The following CASP10 variants were observed in gnomAD, a reference collection of about 807,000 sequenced individuals.
The protein encoded by CASP10 is caspase 10.
In CASP10, 41 loss-of-function variants were observed where a neutral mutation model predicts 48.5. The ratio of observed to expected loss-of-function variants is 0.85; its 90% CI spans 0.66 to 1.10. The LOEUF (loss-of-function observed/expected upper bound fraction) is 1.10, where lower values mean the gene tolerates loss of function less well. Among genes scored for constraint, CASP10 ranks in the 50% least tolerant of loss-of-function variants. CASP10 has a pLI of 0.00. For synonymous variants in CASP10, 232 were observed against 238.4 expected (o/e 0.97, Z 0.25); for missense variants, 614 against 614.5 (o/e 1.00, Z 0.01).
chr2:201,203,741 G>A lies in CASP10; in HGVS notation c.696G>A (p.Trp232Ter). 1.9e-6 allele frequency: 3 copies of A among 1,613,574 alleles called. No homozygotes were observed. Among genetic ancestry groups the A allele is most frequent in the Non-Finnish European group, 2.5e-6 (3 of 1,179,592 alleles). ...TTCTTTTTTCTCAGCAGGAGTCCTGGCAAAATAAGCATGCAGGTAGTAATG... is the reference window on the plus strand; with the variant it reads ...TTCTTTTTTCTCAGCAGGAGTCCTGACAAAATAAGCATGCAGGTAGTAATG... ...TFLEALPQES[W>*]QNKHAGSNGN... is the part of the protein sequence containing the mutation. The change falls in exon 6 of 10, where the codon TGG becomes TGA. Residue 232 changes from tryptophan to a stop codon, truncating the protein, a stop_gained. Coordinates refer to ENST00000286186, the MANE Select transcript of CASP10 (RefSeq NM_032977.4). LOFTEE classifies it high-confidence loss of function.
At chr2:201,208,418 G>T in intron 8 of CASP10, 1 of 978,210 alleles carries the variant, frequency 1.0e-6, no homozygotes, top group Non-Finnish European at 1.2e-6. Flanking sequence ...GAGCCTGCTG[G>T]ATTGGCACGA....
chr2:201,186,239 T>C (rs1302165663), intron 2 of CASP10, 115 bp downstream of exon 2: 3 of 770,258 alleles, frequency 3.9e-6, no homozygotes, highest in Non-Finnish European at 6.8e-6. Flanking sequence ...CCTCCTTGGA[T>C]GATAAACCAG....
chr2:201,216,556 C>T (rs973318950), intron 9 of CASP10, among the ~76,000 whole-genome samples: 1 of 151,944 alleles, frequency 6.6e-6, no homozygotes, highest in Admixed American at 6.6e-5. Flanking sequence ...AGGTAAGGGC[C>T]TGCATCCCTT....
chr2:201,206,068 G>C, intron 7 of CASP10, 95 bp downstream of exon 7: 1 of 725,836 alleles, frequency 1.4e-6, no homozygotes, highest in Non-Finnish European at 2.4e-6. Flanking sequence ...TCTCCCTAGG[G>C]TCCAGCCTTC....
At chr2:201,204,694 T>C (rs1165210343) in intron 6 of CASP10, among the ~76,000 whole-genome samples, 2 of 152,214 alleles carry the variant, frequency 1.3e-5, no homozygotes, top group Non-Finnish European at 2.9e-5. Context: ...CAGAGCTTAC[T>C]CTCCTAAGGC....
rs151214483 is a variant in CASP10 at position 201,213,839 on chromosome 2, G to A, written c.1416-3749G>A. The A allele has an allele frequency of 9.8e-5, 15 of 152,336 alleles. No homozygotes were observed. The East Asian group carries it at 2.1e-3, about 22-fold the overall frequency. 9.4% of individuals were successfully genotyped at this position (152,336 alleles called of 1,614,324 possible). A position where few individuals can be genotyped will look rare whatever the true frequency, so the allele number is the denominator to read the frequency against. On this transcript the variant is annotated intron_variant, in intron 9 of 9. Transcript: ENST00000286186. ...ACTTTAGATCAGTTTGTCGTAGACA[G>A]ATGGAGCTTGTCATAATATGCCTCA... is the stretch of plus-strand genomic sequence containing the variant.
At chr2:201,183,834 G>A (rs1453343486) in intron 1 of CASP10, among the ~76,000 whole-genome samples, 1 of 151,768 alleles carries the variant, frequency 6.6e-6, no homozygotes, top group Non-Finnish European at 1.5e-5. Flanking sequence ...TGGAGGTTTT[G>A]ATTTTTGCTG....
intron 3 of CASP10, among the ~76,000 whole-genome samples, chr2:201,191,858 AAAGG>A (rs1184837672): frequency 6.6e-6 from 1 of 152,206 alleles, no homozygotes; most frequent in Non-Finnish European, 1.5e-5. Context: ...CATTGAGTCT[AAAGG>A]AAACCACACC....
chr2:201,199,838 T>A (rs759070123), intron 5 of CASP10, among the ~76,000 whole-genome samples: 1 of 152,176 alleles, frequency 6.6e-6, no homozygotes, highest in African/African-American at 2.4e-5. Context: ...CCTCCCAAAG[T>A]GCTGGGATTA....
chr2:201,218,444 AG>A lies in CASP10; in HGVS notation c.*705del. On this transcript the variant is annotated 3_prime_UTR_variant, in exon 10 of 10. Transcript: ENST00000286186. ...CAGCCTCCCAAGTAGCTGAGACTAC[AG>A]GTGTGTGTCCATGCACAGCTAACTT... is the stretch of plus-strand genomic sequence containing the variant. The A allele has an allele frequency of 3.0e-6, 2 of 674,198 alleles. No individual in the cohort carries two copies. Among genetic ancestry groups the A allele is most frequent in the Non-Finnish European group, 3.7e-6 (2 of 546,062 alleles). 41.8% of individuals were successfully genotyped at this position (674,198 alleles called of 1,614,324 possible). A position where few individuals can be genotyped will look rare whatever the true frequency, so the allele number is the denominator to read the frequency against.
At chr2:201,214,945 G>A (rs1945521813) in intron 9 of CASP10, 1 of 152,050 alleles carries the variant, frequency 6.6e-6, no homozygotes, top group African/African-American at 2.4e-5. Flanking sequence ...TGTAAATAGA[G>A]GGCATTTGGT....
At chr2:201,191,614 A>C (rs1944613590) in intron 3 of CASP10, among the ~76,000 whole-genome samples, 1 of 152,212 alleles carries the variant, frequency 6.6e-6, no homozygotes, top group African/African-American at 2.4e-5. Context: ...ACAGAAATAA[A>C]TTACTTACCC....
chr2:201,187,060 G>C (rs1165751769), intron 2 of CASP10, among the ~76,000 whole-genome samples: 1 of 152,178 alleles, frequency 6.6e-6, no homozygotes, highest in Non-Finnish European at 1.5e-5. Context: ...AGCCTTTGGA[G>C]GGTGTTTTAT....
chr2:201,192,223 A>G (rs1944634909), intron 3 of CASP10, among the ~76,000 whole-genome samples: 1 of 151,990 alleles, frequency 6.6e-6, no homozygotes, highest in Non-Finnish European at 1.5e-5. Flanking sequence ...GGTGAAACCC[A>G]TCTCTGTTAA....
intron 4 of CASP10, among the ~76,000 whole-genome samples, chr2:201,194,520 GTTCT>G (rs1485557431): frequency 3.9e-5 from 6 of 152,136 alleles, no homozygotes; most frequent in African/African-American, 7.2e-5. Flanking sequence ...AATAAAAACA[GTTCT>G]TTCTATCATC....
At chr2:201,229,249 C>T (rs375960160) in exon 10 of CASP10, 11 of 728,422 alleles carry the variant, frequency 1.5e-5, no homozygotes, top group Middle Eastern at 3.9e-4. Context: ...TACTGTTTCA[C>T]GTGTACCTGT....
At chr2:201,187,517 A>G (rs1281735487) in intron 2 of CASP10, among the ~76,000 whole-genome samples, 189 bp from the exon 3 acceptor site, 1 of 151,912 alleles carries the variant, frequency 6.6e-6, no homozygotes, top group Non-Finnish European at 1.5e-5. Context: ...TTACTGTGTT[A>G]TCTTTATTTA....
chr2:201,201,275 C>T (rs1559303290), intron 5 of CASP10, among the ~76,000 whole-genome samples: 1 of 151,836 alleles, frequency 6.6e-6, no homozygotes, highest in Non-Finnish European at 1.5e-5. Context: ...GGTGATCCAC[C>T]CTCCTGAGTC....
chr2:201,217,567 T>G (rs1945610989), intron 9 of CASP10, 21 bp from the exon 10 acceptor site: 4 of 1,593,362 alleles, frequency 2.5e-6, no homozygotes, highest in Admixed American at 1.7e-5. Flanking sequence ...AAAAAAAATT[T>G]TGTTTTCTTC....
Sources: gnomAD v4.1 joint callset for allele counts (sites outside exome capture counted in the v4.1 genomes callset) on GRCh38, gnomAD v4.1.1 for gene constraint, MANE v1.5 for transcripts, NCBI Gene and HGNC (gene_info 2026-07-23, HGNC 2026-07-21) for gene names.